ADAMTS18: variants seen among roughly 807,000 people sequenced by gnomAD.
The protein encoded by ADAMTS18 is ADAM metallopeptidase with thrombospondin type 1 motif 18.
Under a neutral mutation model 165.9 loss-of-function variants are expected in ADAMTS18, and 157 were observed. The observed-to-expected ratio is 0.95, with a 90% CI of 0.83 to 1.08. The LOEUF (loss-of-function observed/expected upper bound fraction) is 1.08, where lower values mean the gene tolerates loss of function less well. Ranked by LOEUF, ADAMTS18 falls within the 50% of genes least tolerant of loss-of-function variation. The pLI, the probability that ADAMTS18 is intolerant of heterozygous loss-of-function variation, is 0.00. For missense variants in ADAMTS18, 2,040 were observed against 1,534.0 expected (o/e 1.33, Z -5.51); for synonymous variants, 782 against 578.2 (o/e 1.35, Z -5.06).
chr16:77,359,963 G>C (rs1292732364), intron 7 of ADAMTS18, among the ~76,000 whole-genome samples: 4 of 152,170 alleles, frequency 2.6e-5, no homozygotes, highest in African/African-American at 7.2e-5. Flanking sequence ...TGTGGTAAGT[G>C]CTTCTGTTCC....
intron 13 of ADAMTS18, among the ~76,000 whole-genome samples, chr16:77,325,104 T>G (rs1434004082): frequency 6.6e-6 from 1 of 152,202 alleles, no homozygotes; most frequent in Admixed American, 6.5e-5. Flanking sequence ...GAACAGCCCA[T>G]GGATTGTCAT....
intron 3 of ADAMTS18, among the ~76,000 whole-genome samples, chr16:77,423,388 G>C (rs1420681115): frequency 6.6e-6 from 1 of 152,156 alleles, no homozygotes; most frequent in East Asian, 1.9e-4. Context: ...ATGATAATTA[G>C]TACTATATCA....
chr16:77,383,361 G>A (rs1350156869), intron 3 of ADAMTS18, among the ~76,000 whole-genome samples: 1 of 152,012 alleles, frequency 6.6e-6, no homozygotes, highest in Non-Finnish European at 1.5e-5. Flanking sequence ...AGCTTCTCTA[G>A]CATCTTCTAC....
chr16:77,372,187 C>G (rs560088580), intron 3 of ADAMTS18, among the ~76,000 whole-genome samples: 12 of 152,182 alleles, frequency 7.9e-5, no homozygotes, highest in African/African-American at 2.6e-4. Flanking sequence ...ATTAGTATAG[C>G]CATTATGGAA....
At chr16:77,325,717 C>A in intron 13 of ADAMTS18, 149 bp downstream of exon 13, 1 of 756,554 alleles carries the variant, frequency 1.3e-6, no homozygotes, top group Non-Finnish European at 2.0e-6. Context: ...AAACAAAACC[C>A]ATGGAATGAA....
chr16:77,319,942 G>C lies in ADAMTS18; in HGVS notation c.2439C>G (p.Pro813=), dbSNP rs1275346638. Residue 813 remains proline (P), a synonymous_variant, in exon 16 of 23, where the codon CCC becomes CCG. Coordinates refer to ENST00000282849, the MANE Select transcript of ADAMTS18 (RefSeq NM_199355.4). The part of the protein sequence containing the change: ...GWSIDWPGEF[P]FAGTTFEYQR... ...GGTATTCAAACGTGGTCCCAGCGAA[G>C]GGGAACTCCCCAGGCCAGTCGATGC... The C allele has an allele frequency of 1.9e-6, 3 of 1,614,202 alleles. No individual in the cohort carries two copies. The highest frequency in any genetic ancestry group is 2.2e-5 in the East Asian group (1 of 44,874).
At chr16:77,355,183 A>G (rs556459314) in intron 9 of ADAMTS18, among the ~76,000 whole-genome samples, 15 of 140,086 alleles carry the variant, frequency 1.1e-4, no homozygotes, top group African/African-American at 3.6e-4. Flanking sequence ...GTGGGTCAAT[A>G]TAGATTATAA....
chr16:77,420,967 A>C (rs1188685158), intron 3 of ADAMTS18, among the ~76,000 whole-genome samples: 5 of 152,252 alleles, frequency 3.3e-5, no homozygotes. Flanking sequence ...AGAACTCGGT[A>C]AATCAGCAGA....
At chr16:77,386,295 A>T (rs913918879) in intron 3 of ADAMTS18, among the ~76,000 whole-genome samples, 2 of 152,120 alleles carry the variant, frequency 1.3e-5, no homozygotes, top group East Asian at 3.9e-4. Context: ...AAATACCTAT[A>T]CCCAACTTGG....
chr16:77,344,161 A>G (rs982013799), intron 10 of ADAMTS18, among the ~76,000 whole-genome samples: 10 of 148,536 alleles, frequency 6.7e-5, no homozygotes, highest in East Asian at 2.0e-4. Context: ...GTGTGTATAT[A>G]TATATATATA....
At chr16:77,348,108 G>A (rs1164109318) in intron 10 of ADAMTS18, among the ~76,000 whole-genome samples, 3 of 152,078 alleles carry the variant, frequency 2.0e-5, no homozygotes, top group South Asian at 4.2e-4. Context: ...TCTAAAACCA[G>A]GGCCTTTTGT....
At chr16:77,339,605 A>C (rs975771337) in intron 11 of ADAMTS18, among the ~76,000 whole-genome samples, 10 of 151,714 alleles carry the variant, frequency 6.6e-5, no homozygotes, top group African/African-American at 1.2e-4. Flanking sequence ...AATTAAAAAA[A>C]AAAACAAAAC....
chr16:77,321,047 C>T, intron 15 of ADAMTS18, 32 bp downstream of exon 15: 1 of 1,614,020 alleles, frequency 6.2e-7, no homozygotes, highest in Non-Finnish European at 8.5e-7. Flanking sequence ...AGTTGTATCT[C>T]ATTAACAATA....
In ADAMTS18 at chr16:77,364,173, G is replaced by A; in HGVS notation, c.972+15C>T. On this transcript the variant is annotated intron_variant, in intron 5 of 22. Transcript: ENST00000282849. ...TTCTTTGGAGAGCCAGAAGGTTTGT[G>A]ACACCCCCGCTTACCATGTTCATTA... 1 of 1,613,974 alleles carries A rather than the reference G, an allele frequency of 6.2e-7. No homozygotes were observed. Among genetic ancestry groups the A allele is most frequent in the Non-Finnish European group, 8.5e-7 (1 of 1,179,944 alleles).
rs1334407719 is a variant in ADAMTS18, at chr16:77,283,789, C to G, written c.*167G>C. 2 of 620,956 alleles carry G rather than the reference C, an allele frequency of 3.2e-6. No individual in the cohort carries two copies. Among genetic ancestry groups the G allele is most frequent in the Non-Finnish European group, 2.9e-6 (1 of 346,456 alleles). 38.5% of individuals were successfully genotyped at this position (620,956 alleles called of 1,614,324 possible). ...GTACCACGTGCTTCAGGGAATTGAG[C>G]TAGAAGCCTACTGGCAACCTGTCTG... is the stretch of plus-strand genomic sequence containing the variant. On this transcript the variant is annotated 3_prime_UTR_variant, in exon 23 of 23. Transcript: ENST00000282849.
intron 3 of ADAMTS18, among the ~76,000 whole-genome samples, chr16:77,400,333 C>T (rs2144807842): frequency 6.6e-6 from 1 of 152,154 alleles, no homozygotes; most frequent in East Asian, 1.9e-4. Flanking sequence ...AGCCTCCAGC[C>T]ATCCTTTGGG....
chr16:77,303,328 T>C (rs76023024), intron 16 of ADAMTS18, among the ~76,000 whole-genome samples: 13,692 of 152,260 alleles, frequency 0.09, 871 homozygotes, highest in East Asian at 0.27. Context: ...GACACCCATC[T>C]TCCATACTAC....
chr16:77,426,564 G>C (rs1408420619), intron 3 of ADAMTS18, among the ~76,000 whole-genome samples: 2 of 152,150 alleles, frequency 1.3e-5, no homozygotes, highest in South Asian at 2.1e-4. Flanking sequence ...TCACAGCTTG[G>C]TTCACAATAA....
chr16:77,367,311 T>C (rs1257430564), intron 4 of ADAMTS18, 130 bp downstream of exon 4: 13 of 949,356 alleles, frequency 1.4e-5, no homozygotes, highest in South Asian at 1.3e-4. Flanking sequence ...AGATAATTAC[T>C]GGTCCTACAC....
Sources: allele counts gnomAD v4.1 joint callset (sites outside exome capture counted in the v4.1 genomes callset), GRCh38; gene constraint gnomAD v4.1.1; transcripts MANE v1.5; gene names NCBI Gene and HGNC (gene_info 2026-07-23, HGNC 2026-07-21).